The following DYNC1I1 variants were observed in gnomAD, a reference collection of about 807,000 sequenced individuals.
DYNC1I1 encodes the protein dynein cytoplasmic 1 intermediate chain 1, also known as cytoplasmic dynein 1 intermediate chain 1.
In DYNC1I1, 43 loss-of-function variants were observed where a neutral mutation model predicts 86.6. The observed-to-expected ratio is 0.50, with a 90% CI of 0.39 to 0.64. The LOEUF is 0.64. Among genes scored for constraint, DYNC1I1 ranks in the 30% least tolerant of loss-of-function variants. The pLI, the probability that DYNC1I1 is intolerant of heterozygous loss-of-function variation, is 0.00. For synonymous variants in DYNC1I1, 262 were observed against 283.7 expected, an observed-to-expected ratio of 0.92 and a Z score of 0.77; for missense variants, 604 against 788.8, an observed-to-expected ratio of 0.77 and a Z score of 2.81.
intron 6 of DYNC1I1, among the ~76,000 whole-genome samples, chr7:95,953,721 GA>G (rs1792622220): frequency 6.6e-6 from 1 of 152,176 alleles, no homozygotes; most frequent in Non-Finnish European, 1.5e-5. Flanking sequence ...GCTGCTTGGA[GA>G]AAAGATGATA....
chr7:96,104,415 A>G (rs1791183854), intron 16 of DYNC1I1, among the ~76,000 whole-genome samples: 1 of 152,190 alleles, frequency 6.6e-6, no homozygotes, highest in East Asian at 1.9e-4. Context: ...TATACTTAGT[A>G]TTGTATCATA....
intron 16 of DYNC1I1, among the ~76,000 whole-genome samples, chr7:96,085,778 C>T (rs1790660197): frequency 6.6e-6 from 1 of 152,154 alleles, no homozygotes; most frequent in African/African-American, 2.4e-5. Flanking sequence ...ATGAGCCTAG[C>T]TTCTGAATAA....
downstream of DYNC1I1, chr7:96,110,273 A>T (rs779565409): frequency 4.9e-6 from 1 of 202,056 alleles, no homozygotes; most frequent in Non-Finnish European, 1.0e-5. Context: ...TCAATATGAA[A>T]TGTTGCTGTT....
At chr7:95,920,312 A>G (rs973617864) in intron 6 of DYNC1I1, among the ~76,000 whole-genome samples, 2 of 152,212 alleles carry the variant, frequency 1.3e-5, no homozygotes, top group Non-Finnish European at 2.9e-5. Flanking sequence ...CTAACAGAAT[A>G]TCAGAGAAAA....
chr7:95,934,565 C>A (rs1791989014), intron 6 of DYNC1I1, among the ~76,000 whole-genome samples: 1 of 151,818 alleles, frequency 6.6e-6, no homozygotes, highest in African/African-American at 2.4e-5. Context: ...GTTGTCTTGG[C>A]TTCATATGAA....
At chr7:95,938,261 G>A (rs1792103171) in intron 6 of DYNC1I1, among the ~76,000 whole-genome samples, 1 of 152,242 alleles carries the variant, frequency 6.6e-6, no homozygotes, top group Admixed American at 6.5e-5. Flanking sequence ...TATTTAGCAG[G>A]CTAATCTGAT....
intron 1 of DYNC1I1, among the ~76,000 whole-genome samples, chr7:95,777,636 C>T (rs1026234724): frequency 6.6e-6 from 1 of 152,172 alleles, no homozygotes; most frequent in Non-Finnish European, 1.5e-5. Context: ...ATAGAACAAC[C>T]CACTGTTTCA....
intron 6 of DYNC1I1, among the ~76,000 whole-genome samples, chr7:95,878,731 G>C (rs1435421187): frequency 2.6e-5 from 4 of 151,876 alleles, no homozygotes; most frequent in Admixed American, 2.0e-4. Context: ...AACCTAAGAG[G>C]CTCTAAACTC....
At chr7:95,823,909 A>T (rs1185368149) in intron 4 of DYNC1I1, among the ~76,000 whole-genome samples, 1 of 145,178 alleles carries the variant, frequency 6.9e-6, no homozygotes, top group African/African-American at 2.6e-5. Flanking sequence ...GACCAGGTCA[A>T]ATGGAATATG....
At chr7:95,858,537 A>G (rs1429673529) in intron 5 of DYNC1I1, among the ~76,000 whole-genome samples, 2 of 152,176 alleles carry the variant, frequency 1.3e-5, no homozygotes, top group African/African-American at 2.4e-5. Context: ...AATGTACATA[A>G]TTATATGTAC....
chr7:95,964,185 T>C (rs1409314363), intron 6 of DYNC1I1, among the ~76,000 whole-genome samples: 6 of 152,190 alleles, frequency 3.9e-5, no homozygotes, highest in Non-Finnish European at 7.4e-5. Flanking sequence ...CAGTTCTCCC[T>C]GGGCTGGGAA....
chr7:96,000,550 A>G (rs1057239532), intron 10 of DYNC1I1, among the ~76,000 whole-genome samples: 6 of 152,224 alleles, frequency 3.9e-5, no homozygotes, highest in Non-Finnish European at 5.9e-5. Context: ...ATACCAGTAT[A>G]CATGGTGAAA....
At chr7:95,779,017 G>A (rs1239766559) in intron 1 of DYNC1I1, among the ~76,000 whole-genome samples, 2 of 152,016 alleles carry the variant, frequency 1.3e-5, no homozygotes, top group African/African-American at 2.4e-5. Context: ...TCTTCTCCAG[G>A]GGACATTTGA....
chr7:96,099,593 AGGTTGCAGATG>A (rs886551025), downstream of DYNC1I1, among the ~76,000 whole-genome samples: 1 of 152,184 alleles, frequency 6.6e-6, no homozygotes, highest in African/African-American at 2.4e-5. Context: ...CCATCTGCTT[AGGTTGCAGATG>A]GCTATCTTCT....
In DYNC1I1 at chr7:96,097,576, G is replaced by A. The variant is rs1791054277; in HGVS notation, c.1870G>A (p.Val624Ile). 1 of 1,613,652 alleles carries A rather than the reference G, an allele frequency of 6.2e-7. No homozygotes were observed. Among genetic ancestry groups the A allele is most frequent in the African/African-American group, 1.3e-5 (1 of 74,890 alleles). Residue 624 changes from valine to isoleucine, a missense_variant, in exon 17 of 17, where the codon GTT becomes ATT. Val to Ile is a conservative substitution (Grantham distance 29). Coordinates refer to ENST00000447467, the MANE Select transcript of DYNC1I1 (RefSeq NM_001135556.2). Reference protein sequence around the residue: ...NRADSEEEGTVELSA With the variant: ...NRADSEEEGTIELSA ...AGCTGATAGCGAGGAGGAAGGCACT[G>A]TTGAGTTATCTGCCTAGTGGAAATG...
rs1210759221 is a variant in DYNC1I1 at position 95,884,921 on chromosome 7, A to G, written c.490+14923A>G. 3.3e-5 allele frequency among the ~76,000 whole-genome samples: 5 copies of G among 151,894 alleles called. No homozygotes were observed. The East Asian group carries it at 9.7e-4, about 29-fold the overall frequency. On this transcript the variant is annotated intron_variant, in intron 6 of 16. Coordinates refer to ENST00000447467, the MANE Select transcript of DYNC1I1 (RefSeq NM_001135556.2). The stretch of plus-strand genomic sequence containing the variant: ...TAGGGCTGTCATGAAGATCAAATGT[A>G]GTCAATATAAAAAAAATTCATGTAA...
intron 6 of DYNC1I1, among the ~76,000 whole-genome samples, chr7:95,954,637 G>A (rs1634040): frequency 0.66 from 100,329 of 151,448 alleles, 34,583 homozygotes; most frequent in East Asian, 0.89. Context: ...ACAATGGGCC[G>A]GGCATGGTGG....
intron 5 of DYNC1I1, among the ~76,000 whole-genome samples, chr7:95,829,559 C>G (rs1795276073): frequency 1.3e-5 from 2 of 152,104 alleles, no homozygotes; most frequent in Admixed American, 1.3e-4. Context: ...AAAGAACTGG[C>G]AGAGACTACC....
intron 16 of DYNC1I1, among the ~76,000 whole-genome samples, chr7:96,088,060 G>A (rs1790734280): frequency 1.3e-5 from 2 of 152,022 alleles, no homozygotes; most frequent in Non-Finnish European, 2.9e-5. Flanking sequence ...CTTATAGTAC[G>A]TGTAATAGCT....
Sources: allele counts gnomAD v4.1 joint callset (sites outside exome capture counted in the v4.1 genomes callset), GRCh38; gene constraint gnomAD v4.1.1; transcripts MANE v1.5; gene names NCBI Gene and HGNC (gene_info 2026-07-23, HGNC 2026-07-21).